The following RNF103 variants were observed in gnomAD, a reference collection of about 807,000 sequenced individuals.
RNF103 encodes the protein E3 ubiquitin-protein ligase RNF103.
A neutral mutation model predicts 66.2 loss-of-function variants in RNF103; 23 were observed. The ratio of observed to expected loss-of-function variants is 0.35; its 90% CI spans 0.25 to 0.49. The LOEUF is 0.49. RNF103 is among the 20% of genes least tolerant of loss of function. The probability of loss-of-function intolerance (pLI) is 0.98; values close to 1 mark genes in which losing one functional copy is unlikely to be tolerated. For synonymous variants in RNF103, 297 were observed against 289.9 expected, an observed-to-expected ratio of 1.02 and a Z score of -0.25; for missense variants, 730 against 814.7, an observed-to-expected ratio of 0.90 and a Z score of 1.27.
At chr2:86,607,021 G>C (rs1305767778) in intron 3 of RNF103, among the ~76,000 whole-genome samples, 1 of 151,778 alleles carries the variant, frequency 6.6e-6, no homozygotes, top group Non-Finnish European at 1.5e-5. Flanking sequence ...GTTTTAGTTA[G>C]TTTTTCATGT....
At position 86,604,113 on chromosome 2, in the gene RNF103, T is replaced by C; in HGVS notation, c.1788A>G (p.Gly596=). The C allele has an allele frequency of 6.2e-7, 1 of 1,613,494 alleles. No homozygotes were observed. Among genetic ancestry groups the C allele is most frequent in the Non-Finnish European group, 8.5e-7 (1 of 1,180,040 alleles). The change falls in exon 4 of 4, where the codon GGA becomes GGG. Residue 596 remains glycine (G), a synonymous_variant. Coordinates refer to ENST00000237455, the MANE Select transcript of RNF103 (RefSeq NM_005667.4). ...CCATATCTTCATTAGTGTTATATGA[T>C]CCATATGACCTCCCCTTCCTTTCAC... ...SPCERKGRSY[G]SYNTNEDMEP... is the part of the protein sequence containing the mutation.
Position 86,612,176 on chromosome 2 carries a change from G to C in RNF103, c.465C>G (p.Asn155Lys). The change falls in exon 3 of 4, where the codon AAC becomes AAG. Residue 155 changes from asparagine (N) to lysine (K), a missense_variant. Asn to Lys is a moderately conservative substitution (Grantham distance 94, BLOSUM62 0). Transcript: ENST00000237455. Reference sequence around the variant, plus strand: ...CAACTTACCTGGGATCACTGGAACAGTTAAATGTGCCTGTACGTATTCCAA... The same window carrying C: ...CAACTTACCTGGGATCACTGGAACACTTAAATGTGCCTGTACGTATTCCAA... Reference protein sequence around the residue: ...SRFGIRTGTFNCSSDPRYCRR... With the variant: ...SRFGIRTGTFKCSSDPRYCRR... 6.2e-7 allele frequency: 1 copy of C among 1,610,856 alleles called. No homozygotes were observed. The highest frequency in any genetic ancestry group is 8.5e-7 in the Non-Finnish European group (1 of 1,178,594).
chr2:86,615,040 AT>A, intron 2 of RNF103: 1 of 985,102 alleles, frequency 1.0e-6, no homozygotes, highest in East Asian at 1.1e-4. Flanking sequence ...TCTTTGAGAC[AT>A]GTGATAAGAG....
Position 86,604,761 on chromosome 2 carries a change from T to C in RNF103, c.1140A>G (p.Leu380=). 1 of 1,614,076 alleles carries C rather than the reference T, an allele frequency of 6.2e-7. No homozygotes were observed. Among genetic ancestry groups the C allele is most frequent in the Non-Finnish European group, 8.5e-7 (1 of 1,180,006 alleles). ...SWLPVLGFLQ[L]PYLDSFYEYS... is the part of the protein sequence containing the mutation. Reference sequence around the variant, plus strand: ...ATTCATAAAAGCTATCTAAGTAAGGTAGCTGTAAAAAGCCCAACACAGGTA... The same window carrying C: ...ATTCATAAAAGCTATCTAAGTAAGGCAGCTGTAAAAAGCCCAACACAGGTA... Residue 380 remains leucine (L), a synonymous_variant, in exon 4 of 4, where the codon CTA becomes CTG. Transcript: ENST00000237455.
rs1679326640 is a variant in RNF103 at position 86,623,596 on chromosome 2, C to A, written c.-710G>T. On this transcript the variant is annotated 5_prime_UTR_variant, in exon 1 of 4. Coordinates refer to ENST00000237455, the MANE Select transcript of RNF103 (RefSeq NM_005667.4). ...CGGCTGGCGGGCGGCGCCTCTCAGG[C>A]GGGCGGGCACTGCGGCCCGGCCCAG... The A allele has an allele frequency of 9.9e-7, 1 of 1,011,210 alleles. No homozygotes were observed. Among genetic ancestry groups the A allele is most frequent in the Non-Finnish European group, 1.2e-6 (1 of 843,990 alleles). The allele number at this position is 1,011,210 out of a possible 1,614,324, so 62.6% of individuals were successfully genotyped here.
chr2:86,606,531 C>G (rs112054902), intron 3 of RNF103, among the ~76,000 whole-genome samples: 1 of 151,694 alleles, frequency 6.6e-6, no homozygotes, highest in African/African-American at 2.4e-5. Flanking sequence ...GGCATGGCAA[C>G]GCGTGCCTGT....
Position 86,612,230 on chromosome 2 carries a change from C to A in RNF103, c.411G>T (p.Trp137Cys). ...TTGACACCTTTTTAACCATTTTCTC[C>A]CAGTGAATTTTGCCCACCAAGGGAC... ...DRSPLVGKIH[W>C]EKMVKKVSRF... Residue 137 changes from tryptophan (W) to cysteine (C), a missense_variant, in exon 3 of 4, where the codon TGG becomes TGT. This residue lies in a region of RNF103 where 327 missense variants were observed against 369.8 expected (regional missense o/e 0.88). Coordinates refer to ENST00000237455, the MANE Select transcript of RNF103 (RefSeq NM_005667.4). The A allele has an allele frequency of 6.8e-6, 11 of 1,613,534 alleles. No homozygotes were observed. Among genetic ancestry groups the A allele is most frequent in the Non-Finnish European group, 7.6e-6 (9 of 1,179,792 alleles).
Position 86,603,992 on chromosome 2 carries a change from A to G in RNF103, c.1909T>C (p.Leu637=), listed in dbSNP as rs759794644. 6.2e-6 allele frequency: 10 copies of G among 1,614,172 alleles called. No homozygotes were observed. The highest frequency in any genetic ancestry group is 4.2e-6 in the Non-Finnish European group (5 of 1,180,028). Residue 637 remains leucine, a synonymous_variant, in exon 4 of 4, where the codon TTG becomes CTG. Coordinates refer to ENST00000237455, the MANE Select transcript of RNF103 (RefSeq NM_005667.4). ...NFENGCLLMG[L]PCGHVFHQNC... ...TGATGAAACACATGACCACAAGGCA[A>G]CCCCATTAGCAAACATCCATTTTCA...
At chr2:86,612,765 A>G (rs1335776297) in intron 2 of RNF103, 1 of 152,728 alleles carries the variant, frequency 6.5e-6, no homozygotes, top group Non-Finnish European at 1.5e-5. Flanking sequence ...TTTCTATTAA[A>G]GGGTGCTTTG....
intron 2 of RNF103, chr2:86,615,175 T>C (rs1444803851): frequency 1.0e-6 from 1 of 985,382 alleles, no homozygotes; most frequent in Non-Finnish European, 1.2e-6. Context: ...TACAAGACAA[T>C]GTTCAATGCC....
intron 3 of RNF103, among the ~76,000 whole-genome samples, chr2:86,606,054 GAA>G (rs35433373): frequency 1.3e-5 from 2 of 152,132 alleles, no homozygotes; most frequent in South Asian, 2.1e-4. Flanking sequence ...AGCCAACCAA[GAA>G]AAGAGCAACA....
At chr2:86,609,109 G>C (rs538408325) in intron 3 of RNF103, among the ~76,000 whole-genome samples, 1 of 152,294 alleles carries the variant, frequency 6.6e-6, no homozygotes, top group African/African-American at 2.4e-5. Flanking sequence ...GATCCCTCAT[G>C]AACACTTAGT....
chr2:86,614,199 G>C (rs1343291191), intron 2 of RNF103: 1 of 152,132 alleles, frequency 6.6e-6, no homozygotes, highest in African/African-American at 2.4e-5. Flanking sequence ...AGGCAATCTG[G>C]GGACATGCAC....
At chr2:86,621,817 T>A (rs183676038) in intron 1 of RNF103, among the ~76,000 whole-genome samples, 1 of 152,348 alleles carries the variant, frequency 6.6e-6, no homozygotes, top group African/African-American at 2.4e-5. Flanking sequence ...TTTCAGGAAG[T>A]ATATCCAAAG....
intron 2 of RNF103, 54 bp from the exon 3 acceptor site, chr2:86,612,328 C>A (rs1678830605): frequency 3.1e-6 from 3 of 982,706 alleles, no homozygotes; most frequent in South Asian, 1.4e-5. Context: ...TGGAGTCAAG[C>A]CAACCGTTTA....
rs563649442 is a variant in RNF103, at chr2:86,622,835, G to C, written c.52C>G (p.Leu18Val). Reference protein sequence around the residue: ...LLLYFLVLFVLARFFEAIVWY... With the variant: ...LLLYFLVLFVVARFFEAIVWY... ...ACAATGGCCTCAAAAAACCTGGCCA[G>C]GACGAACAGGACCAGGAAATAGAGG... is the stretch of plus-strand genomic sequence containing the variant. The change falls in exon 1 of 4, where the codon CTG becomes GTG. Residue 18 changes from leucine (L) to valine (V), a missense_variant. Physicochemically the swap from Leu to Val is conservative, Grantham distance 32 (BLOSUM62 1). Transcript: ENST00000237455. The C allele has an allele frequency of 5.3e-5, 86 of 1,614,008 alleles. 1 individual carries two copies. In the South Asian group the frequency reaches 8.3e-4, roughly 16 times the overall value.
chr2:86,612,576 C>T (rs1678841821), intron 2 of RNF103: 1 of 200,216 alleles, frequency 5.0e-6, no homozygotes, highest in Non-Finnish European at 9.9e-6. Context: ...GGCCTCTTCT[C>T]TCTAATTAAG....
At chr2:86,620,571 C>T (rs1486851925) in intron 1 of RNF103, 102 bp from the exon 2 acceptor site, 4 of 1,321,520 alleles carry the variant, frequency 3.0e-6, no homozygotes, top group Non-Finnish European at 3.9e-6. Flanking sequence ...TGATATTGTA[C>T]TTTCATTGTA....
Position 86,604,143 on chromosome 2 carries a change from G to A in RNF103, c.1758C>T (p.Ser586=). 6.2e-7 allele frequency: 1 copy of A among 1,613,244 alleles called. No individual in the cohort carries two copies. Among genetic ancestry groups the A allele is most frequent in the Middle Eastern group, 1.6e-4 (1 of 6,062 alleles). The change falls in exon 4 of 4, where the codon AGC becomes AGT. Residue 586 remains serine, a synonymous_variant. Coordinates refer to ENST00000237455, the MANE Select transcript of RNF103 (RefSeq NM_005667.4). ...CSCANKYCQT[S]PCERKGRSYG... ...ATGACCTCCCCTTCCTTTCACATGG[G>A]CTGGTCTGACAATATTTATTGGCAC... is the stretch of plus-strand genomic sequence containing the variant.
Sources: allele counts gnomAD v4.1 joint callset (sites outside exome capture counted in the v4.1 genomes callset), GRCh38; gene constraint gnomAD v4.1.1; regional missense constraint gnomAD v4.1.1; transcripts MANE v1.5; gene names NCBI Gene and HGNC (gene_info 2026-07-23, HGNC 2026-07-21).